Variants in TIAM2 observed in about 807,000 individuals in gnomAD.
TIAM2 encodes TIAM Rac1 associated GEF 2, also known as rho guanine nucleotide exchange factor TIAM2.
In TIAM2, 80 loss-of-function variants were observed where a neutral mutation model predicts 152.9. That is an observed-to-expected ratio of 0.52 (90% CI 0.44 to 0.63). The LOEUF (loss-of-function observed/expected upper bound fraction) is 0.63, where lower values mean the gene tolerates loss of function less well. Among genes scored for constraint, TIAM2 ranks in the 30% least tolerant of loss-of-function variants. TIAM2 has a pLI of 0.00. For synonymous variants in TIAM2, 804 were observed against 838.0 expected (o/e 0.96, Z 0.70); for missense variants, 1,965 against 2,120.1 (o/e 0.93, Z 1.44).
chr6:155,039,519 C>T (rs1423240870), intron 1 of TIAM2, among the ~76,000 whole-genome samples: 1 of 151,664 alleles, frequency 6.6e-6, no homozygotes, highest in Non-Finnish European at 1.5e-5. Flanking sequence ...CTGAAATTTC[C>T]CAGAAGTTTG....
chr6:155,154,051 G>A (rs893372071), intron 7 of TIAM2, among the ~76,000 whole-genome samples: 5 of 152,162 alleles, frequency 3.3e-5, no homozygotes, highest in African/African-American at 4.8e-5. Flanking sequence ...AAAGGCAAAG[G>A]TATTTACAGA....
chr6:155,225,106 C>T (rs1437421443), intron 15 of TIAM2, among the ~76,000 whole-genome samples: 1 of 152,172 alleles, frequency 6.6e-6, no homozygotes, highest in Non-Finnish European at 1.5e-5. Context: ...CAGGCATGCA[C>T]AACTGCACAC....
chr6:155,117,396 G>T (rs1204012481), intron 2 of TIAM2, among the ~76,000 whole-genome samples: 1 of 152,024 alleles, frequency 6.6e-6, no homozygotes, highest in East Asian at 1.9e-4. Context: ...TGGGATTGCC[G>T]GTTTCACCAT....
At chr6:155,016,369 C>G (rs1001156933) in intron 1 of TIAM2, 2 of 151,950 alleles carry the variant, frequency 1.3e-5, no homozygotes, top group African/African-American at 4.8e-5. Flanking sequence ...AAGGCAAGAA[C>G]CTTGTATACT....
chr6:155,164,655 C>T, intron 8 of TIAM2, 55 bp downstream of exon 8: 1 of 1,553,194 alleles, frequency 6.4e-7, no homozygotes, highest in Non-Finnish European at 8.7e-7. Flanking sequence ...TGCGGATGCT[C>T]CCCCTTTCTT....
chr6:155,245,373 C>G (rs1309540956), intron 18 of TIAM2, among the ~76,000 whole-genome samples: 1 of 152,140 alleles, frequency 6.6e-6, no homozygotes, highest in Admixed American at 6.6e-5. Context: ...GTAGAACTTT[C>G]TTTGTTTCTT....
intron 4 of TIAM2, among the ~76,000 whole-genome samples, chr6:155,131,580 T>C (rs982158758): frequency 4.6e-5 from 7 of 151,868 alleles, no homozygotes; most frequent in Non-Finnish European, 8.8e-5. Context: ...TGTAATCTTT[T>C]TTTTTTTTCT....
At chr6:155,047,985 T>C (rs980182787) in intron 1 of TIAM2, among the ~76,000 whole-genome samples, 1 of 152,124 alleles carries the variant, frequency 6.6e-6, no homozygotes, top group Non-Finnish European at 1.5e-5. Context: ...GACACAGTCT[T>C]GCTGTCGCCC....
At chr6:155,221,255 T>C in intron 15 of TIAM2, among the ~76,000 whole-genome samples, 1 of 151,988 alleles carries the variant, frequency 6.6e-6, no homozygotes, top group East Asian at 1.9e-4. Context: ...ATCACTGCGC[T>C]GGGGTGGGCT....
intron 1 of TIAM2, among the ~76,000 whole-genome samples, chr6:155,029,460 TATA>T (rs1324765690): frequency 1.8e-5 from 1 of 54,396 alleles, no homozygotes; most frequent in African/African-American, 8.3e-5. Context: ...ATATATTATA[TATA>T]ATATATACTA....
At position 155,130,299 on chromosome 6, in the gene TIAM2, C is replaced by T. The variant is rs1779417467; in HGVS notation, c.1076C>T (p.Pro359Leu). ...DPIQYSSFTLPCRKPKAFVED... is the reference protein window; with the variant it reads ...DPIQYSSFTLLCRKPKAFVED... ...ATCCAGTACAGTTCCTTCACTCTCCCCTGTCGGAAGCCCAAAGCCTTTGTT... is the reference window on the plus strand; with the variant it reads ...ATCCAGTACAGTTCCTTCACTCTCCTCTGTCGGAAGCCCAAAGCCTTTGTT... Residue 359 changes from proline to leucine, a missense_variant, in exon 4 of 27, where the codon CCC becomes CTC. Pro to Leu is a moderately conservative substitution (Grantham distance 98). Transcript: ENST00000682666. 6.2e-7 allele frequency: 1 copy of T among 1,614,148 alleles called. No individual in the cohort carries two copies. Among genetic ancestry groups the T allele is most frequent in the East Asian group, 2.2e-5 (1 of 44,880 alleles).
intron 1 of TIAM2, among the ~76,000 whole-genome samples, chr6:155,034,098 A>C (rs1776877156): frequency 6.6e-6 from 1 of 151,026 alleles, no homozygotes; most frequent in South Asian, 2.1e-4. Context: ...TCCCACTGTC[A>C]AACAGTGAGG....
intron 2 of TIAM2, among the ~76,000 whole-genome samples, chr6:155,111,220 T>A (rs1778838864): frequency 6.6e-6 from 1 of 151,650 alleles, no homozygotes; most frequent in African/African-American, 2.4e-5. Flanking sequence ...GACACAGTAG[T>A]GAACCGAGGA....
chr6:155,228,767 A>C (rs1240231402), intron 15 of TIAM2, among the ~76,000 whole-genome samples: 1 of 152,116 alleles, frequency 6.6e-6, no homozygotes, highest in Non-Finnish European at 1.5e-5. Context: ...ACCGAGCAGA[A>C]GGCAGGCAGC....
intron 1 of TIAM2, among the ~76,000 whole-genome samples, chr6:155,004,168 G>T (rs560960277): frequency 1.2e-4 from 18 of 152,140 alleles, no homozygotes; most frequent in Non-Finnish European, 2.4e-4. Flanking sequence ...GAGCCACCGT[G>T]CCTAGCTGTG....
intron 1 of TIAM2, among the ~76,000 whole-genome samples, chr6:155,074,866 A>C (rs1431867551): frequency 1.3e-5 from 2 of 151,368 alleles, no homozygotes; most frequent in South Asian, 2.1e-4. Context: ...AAAAAAAAAA[A>C]AAAAAAAAAA....
intron 2 of TIAM2, among the ~76,000 whole-genome samples, chr6:155,102,623 C>A (rs1778576472): frequency 6.6e-6 from 1 of 152,100 alleles, no homozygotes; most frequent in Admixed American, 6.6e-5. Flanking sequence ...GGAACAGAAA[C>A]CCTCAAGAAT....
intron 2 of TIAM2, among the ~76,000 whole-genome samples, chr6:155,123,774 A>G (rs1779227732): frequency 6.6e-6 from 1 of 152,050 alleles, no homozygotes; most frequent in Admixed American, 6.5e-5. Flanking sequence ...GCTGACAAAG[A>G]GAGGTGGTTG....
rs1778640795 is a variant in TIAM2 at position 155,018,621 on chromosome 6, A to G, written c.-209+23129A>G. Among the ~76,000 whole-genome samples the G allele has an allele frequency of 4.3e-5, 6 of 139,218 alleles. No individual in the cohort carries two copies. The South Asian group carries it at 1.4e-3, about 33-fold the overall frequency. The allele number at this position is 139,218 out of a possible 152,430, so 91.3% of individuals were successfully genotyped here. On this transcript the variant is annotated intron_variant, in intron 1 of 26. Transcript: ENST00000682666. ...GTGGCAAAGGGAGACTGTCTCAAGA[A>G]AAAAAAAAAATTACATACATGACTC...
Sources: gnomAD v4.1 joint callset for allele counts (sites outside exome capture counted in the v4.1 genomes callset) on GRCh38, gnomAD v4.1.1 for gene constraint, MANE v1.5 for transcripts, NCBI Gene and HGNC (gene_info 2026-07-23, HGNC 2026-07-21) for gene names.